The following COL22A1 variants were observed in gnomAD, a reference collection of about 807,000 sequenced individuals.
The protein encoded by COL22A1 is collagen alpha-1(XXII) chain.
Under a neutral mutation model 248.9 loss-of-function variants are expected in COL22A1, and 221 were observed. The observed-to-expected ratio is 0.89, with a 90% confidence interval of 0.80 to 0.99. The LOEUF (loss-of-function observed/expected upper bound fraction) is 0.99, where lower values mean the gene tolerates loss of function less well. COL22A1 is among the 50% of genes least tolerant of loss of function. The pLI is 0.00. For missense variants in COL22A1, 2,240 were observed against 2,179.0 expected, an observed-to-expected ratio of 1.03 and a Z score of -0.56; for synonymous variants, 891 against 793.4, an observed-to-expected ratio of 1.12 and a Z score of -2.07.
In COL22A1 at chr8:138,616,960, T is replaced by C; in HGVS notation, c.3826-2A>G. 6.2e-7 allele frequency: 1 copy of C among 1,614,156 alleles called. No homozygotes were observed. Among genetic ancestry groups the C allele is most frequent in the Non-Finnish European group, 8.5e-7 (1 of 1,180,016 alleles). ...ATCGCCTGTGTGTCCCTTGAAGCCC[T>C]AGAAGGAAGAGAATGGAGTTATTCC... On this transcript the variant is annotated splice_acceptor_variant, in intron 53 of 64. Coordinates refer to ENST00000303045, the MANE Select transcript of COL22A1 (RefSeq NM_152888.3). LOFTEE classifies it high-confidence loss of function.
chr8:138,902,737 TATACACACACACACACACACACAC>T (rs1213799634), intron 1 of COL22A1, among the ~76,000 whole-genome samples: 30 of 107,062 alleles, frequency 2.8e-4, no homozygotes, highest in Middle Eastern at 5.3e-3. Context: ...TATATATATA[TATACACACACACACACACACACAC>T]ACACACACAC....
intron 1 of COL22A1, among the ~76,000 whole-genome samples, chr8:138,899,354 G>C (rs1374867700): frequency 3.3e-5 from 5 of 152,092 alleles, no homozygotes; most frequent in Admixed American, 3.3e-4. Flanking sequence ...TTTAAAGGGG[G>C]ACATGATGCA....
At chr8:138,792,211 G>C (rs180988266) in intron 12 of COL22A1, among the ~76,000 whole-genome samples, 1 of 152,076 alleles carries the variant, frequency 6.6e-6, no homozygotes, top group Admixed American at 6.6e-5. Context: ...GTCTCTTCAG[G>C]ACCCAACACT....
chr8:138,871,993 C>T (rs543099052), intron 3 of COL22A1, among the ~76,000 whole-genome samples: 17 of 152,272 alleles, frequency 1.1e-4, no homozygotes, highest in Admixed American at 5.9e-4. Context: ...GCCACAAACC[C>T]GTCTGCAAGG....
intron 53 of COL22A1, among the ~76,000 whole-genome samples, chr8:138,618,590 A>G (rs4909811): frequency 0.74 from 112,756 of 152,142 alleles, 43,975 homozygotes; most frequent in Middle Eastern, 0.88. Context: ...AGGGGATTTA[A>G]GAGAACAGAA....
chr8:138,699,002 A>G (rs1827745780), intron 32 of COL22A1, among the ~76,000 whole-genome samples: 1 of 152,362 alleles, frequency 6.6e-6, no homozygotes, highest in African/African-American at 2.4e-5. Flanking sequence ...GCGAAGAAAC[A>G]TAAGGAACAT....
chr8:138,703,618 C>T (rs1208326524), intron 30 of COL22A1, among the ~76,000 whole-genome samples: 1 of 152,190 alleles, frequency 6.6e-6, no homozygotes, highest in Non-Finnish European at 1.5e-5. Flanking sequence ...ATTTATATCA[C>T]TATATACTAT....
rs1223127660 is a variant in COL22A1 at position 138,878,134 on chromosome 8, A to G, written c.274T>C (p.Leu92=). 6.2e-7 allele frequency: 1 copy of G among 1,606,022 alleles called. No individual in the cohort carries two copies. Among genetic ancestry groups the G allele is most frequent in the Admixed American group, 1.7e-5 (1 of 59,078 alleles). Reference sequence around the variant, plus strand: ...TCCTCCTGCGAGCCAAAGAGTCCCAACTCGAAGGCCGTGGTGGGCCGGTCG... The same window carrying G: ...TCCTCCTGCGAGCCAAAGAGTCCCAGCTCGAAGGCCGTGGTGGGCCGGTCG... ...YSDRPTTAFE[L]GLFGSQEEVK... Residue 92 remains leucine (L), a synonymous_variant, in exon 3 of 65, where the codon TTG becomes CTG. Transcript: ENST00000303045.
chr8:138,733,358 A>G (rs1171181011), intron 23 of COL22A1, among the ~76,000 whole-genome samples: 1 of 152,226 alleles, frequency 6.6e-6, no homozygotes, highest in African/African-American at 2.4e-5. Context: ...AGGCATAAAA[A>G]GCATCTTATA....
intron 9 of COL22A1, among the ~76,000 whole-genome samples, chr8:138,810,857 C>T (rs1395030124): frequency 1.3e-5 from 2 of 152,172 alleles, no homozygotes; most frequent in African/African-American, 4.8e-5. Context: ...ACCGTCATCT[C>T]GTCTGTTTGT....
intron 2 of COL22A1, among the ~76,000 whole-genome samples, chr8:138,882,270 C>T (rs1824268341): frequency 6.6e-6 from 1 of 151,966 alleles, no homozygotes; most frequent in African/African-American, 2.4e-5. Context: ...ACACACTCAT[C>T]CCCTCACATT....
At chr8:138,853,148 C>A (rs1308422964) in intron 3 of COL22A1, among the ~76,000 whole-genome samples, 1 of 152,132 alleles carries the variant, frequency 6.6e-6, no homozygotes, top group Non-Finnish European at 1.5e-5. Context: ...GCACTCCAGC[C>A]TGGGTGACAG....
At chr8:138,860,242 AATCG>A (rs1822348746) in intron 3 of COL22A1, among the ~76,000 whole-genome samples, 1 of 152,098 alleles carries the variant, frequency 6.6e-6, no homozygotes, top group Non-Finnish European at 1.5e-5. Flanking sequence ...ACCTTGATCT[AATCG>A]ATTTCTCATT....
chr8:138,824,345 A>C (rs1819402500), intron 6 of COL22A1, among the ~76,000 whole-genome samples: 1 of 152,094 alleles, frequency 6.6e-6, no homozygotes, highest in Non-Finnish European at 1.5e-5. Flanking sequence ...GGCACTTTCT[A>C]TGTCAGCTCC....
chr8:138,834,371 A>C (rs1450680093), intron 4 of COL22A1, among the ~76,000 whole-genome samples: 1 of 151,428 alleles, frequency 6.6e-6, no homozygotes, highest in Non-Finnish European at 1.5e-5. Context: ...CAGGAAATGG[A>C]CTTGTAGGAC....
intron 42 of COL22A1, among the ~76,000 whole-genome samples, chr8:138,663,011 G>GACACACACACACACACACACACAC (rs1587803147): frequency 1.2e-4 from 3 of 25,972 alleles, no homozygotes; most frequent in East Asian, 3.5e-3. Context: ...GCAGGACTCT[G>GACACACACACACACACACACACAC]TCACTCACAC....
At chr8:138,594,957 G>A (rs1485666623) in intron 62 of COL22A1, among the ~76,000 whole-genome samples, 2 of 152,144 alleles carry the variant, frequency 1.3e-5, no homozygotes, top group African/African-American at 2.4e-5. Flanking sequence ...AAACCCAGAG[G>A]TCCAGTGCTG....
chr8:138,706,850 C>G (rs973250902), intron 30 of COL22A1, among the ~76,000 whole-genome samples: 7 of 152,126 alleles, frequency 4.6e-5, no homozygotes, highest in African/African-American at 1.2e-4. Flanking sequence ...AATCCAGAAG[C>G]TGGTTTTTTG....
intron 12 of COL22A1, among the ~76,000 whole-genome samples, chr8:138,794,844 G>A (rs1586759702): frequency 6.6e-6 from 1 of 152,110 alleles, no homozygotes; most frequent in Non-Finnish European, 1.5e-5. Context: ...CACATATGAA[G>A]TACCTAAAAT....
Sources: gnomAD v4.1 joint callset for allele counts (sites outside exome capture counted in the v4.1 genomes callset) on GRCh38, gnomAD v4.1.1 for gene constraint, MANE v1.5 for transcripts, NCBI Gene and HGNC (gene_info 2026-07-23, HGNC 2026-07-21) for gene names.